EPHB1: variants seen among roughly 807,000 people sequenced by gnomAD.
EPHB1 encodes EPH receptor B1.
Under a neutral mutation model 94.4 loss-of-function variants are expected in EPHB1, and 30 were observed. The observed-to-expected ratio is 0.32, with a 90% CI of 0.24 to 0.43. The LOEUF is 0.43. Ranked by LOEUF, EPHB1 falls within the 20% of genes least tolerant of loss-of-function variation. EPHB1 has a pLI of 1.00. For synonymous variants in EPHB1, 522 were observed against 489.1 expected (o/e 1.07, Z -0.89); for missense variants, 1,055 against 1,308.3 (o/e 0.81, Z 2.99).
intron 3 of EPHB1, among the ~76,000 whole-genome samples, chr3:135,092,327 G>A (rs1200120780): frequency 6.6e-6 from 1 of 152,110 alleles, no homozygotes; most frequent in East Asian, 1.9e-4. Flanking sequence ...CTTCTGTTGG[G>A]TGCCAGGGGC....
At chr3:134,861,591 T>G (rs1302144470) in intron 1 of EPHB1, among the ~76,000 whole-genome samples, 1 of 151,652 alleles carries the variant, frequency 6.6e-6, no homozygotes, top group Non-Finnish European at 1.5e-5. Context: ...TGTGAAAGAG[T>G]TACGGAAGGG....
At chr3:135,088,962 T>C (rs1938463762) in intron 3 of EPHB1, among the ~76,000 whole-genome samples, 1 of 152,230 alleles carries the variant, frequency 6.6e-6, no homozygotes. Flanking sequence ...TTCTATCTCA[T>C]TCAATCATCA....
chr3:135,184,662 G>C lies in EPHB1; in HGVS notation c.1882+4680G>C, dbSNP rs149500927. ...TAGGTAGTGTTTGGGAGAATGAAGA[G>C]AGACTGGACAGGTGGCATGAGATCA... On this transcript the variant is annotated intron_variant, in intron 10 of 15. Transcript: ENST00000398015. Among the ~76,000 whole-genome samples the C allele has an allele frequency of 2.2e-3, 340 of 152,324 alleles. 1 individual carries two copies. The highest frequency in any genetic ancestry group is 7.9e-3 in the African/African-American group (329 of 41,584).
At chr3:134,826,848 C>A (rs2036489332) in intron 1 of EPHB1, among the ~76,000 whole-genome samples, 1 of 152,172 alleles carries the variant, frequency 6.6e-6, no homozygotes, top group South Asian at 2.1e-4. Context: ...ATTCAGCATG[C>A]CCTGGTGAGC....
intron 3 of EPHB1, among the ~76,000 whole-genome samples, chr3:135,042,388 C>G (rs191622482): frequency 6.6e-6 from 1 of 152,154 alleles, no homozygotes; most frequent in Non-Finnish European, 1.5e-5. Context: ...GAGACACATG[C>G]AAACCATAGC....
chr3:134,939,382 G>T (rs539989607), intron 2 of EPHB1, among the ~76,000 whole-genome samples: 1 of 140,972 alleles, frequency 7.1e-6, no homozygotes, highest in East Asian at 2.0e-4. Context: ...AATGGGGGGT[G>T]GGGGGGTGGC....
At chr3:134,866,562 G>T (rs1383721783) in intron 1 of EPHB1, among the ~76,000 whole-genome samples, 1 of 152,204 alleles carries the variant, frequency 6.6e-6, no homozygotes, top group Non-Finnish European at 1.5e-5. Context: ...TGGAGTGGGG[G>T]TATGGGGACA....
intron 5 of EPHB1, among the ~76,000 whole-genome samples, chr3:135,133,303 A>C (rs1940493354): frequency 6.6e-6 from 1 of 152,236 alleles, no homozygotes; most frequent in African/African-American, 2.4e-5. Context: ...TCCAAGCCAG[A>C]ATAGGACCTA....
chr3:134,978,141 C>T, intron 3 of EPHB1: 1 of 369,896 alleles, frequency 2.7e-6, no homozygotes, highest in South Asian at 2.0e-5. Flanking sequence ...CCTCAGAAGC[C>T]CTCCACTCCT....
chr3:135,017,121 T>C (rs1255589516), intron 3 of EPHB1, among the ~76,000 whole-genome samples: 1 of 152,196 alleles, frequency 6.6e-6, no homozygotes, highest in Admixed American at 6.5e-5. Context: ...GAATTAAATG[T>C]AAGTACAGGG....
intron 5 of EPHB1, among the ~76,000 whole-genome samples, chr3:135,152,309 G>T (rs1220664593): frequency 2.0e-5 from 3 of 152,332 alleles, no homozygotes; most frequent in East Asian, 3.9e-4. Flanking sequence ...ATAAAGATCG[G>T]AAGATATGTA....
At chr3:135,192,501 TC>T (rs1196661440) in intron 10 of EPHB1, 74 bp from the exon 11 acceptor site, 1 of 1,537,484 alleles carries the variant, frequency 6.5e-7, no homozygotes, top group Non-Finnish European at 8.8e-7. Context: ...ACCATTGTTC[TC>T]CATTAGATGA....
intron 1 of EPHB1, among the ~76,000 whole-genome samples, chr3:134,880,062 T>C (rs1223556411): frequency 1.2e-4 from 19 of 152,234 alleles, no homozygotes; most frequent in Non-Finnish European, 1.0e-4. Flanking sequence ...ACTTTCCTCT[T>C]CTTTCTCAGC....
Position 134,856,701 on chromosome 3 carries a change from A to G in EPHB1, c.58+61012A>G, listed in dbSNP as rs1157627701. 2.6e-5 allele frequency among the ~76,000 whole-genome samples: 4 copies of G among 152,240 alleles called. No individual in the cohort carries two copies. The East Asian group carries it at 5.8e-4, about 22-fold the overall frequency. Reference sequence around the variant, plus strand: ...CCTTGTTTCTGAAGACTTAGTATGAAAAAAACAAGAAATGTCTTGACAATT... The same window carrying G: ...CCTTGTTTCTGAAGACTTAGTATGAGAAAAACAAGAAATGTCTTGACAATT... On this transcript the variant is annotated intron_variant, in intron 1 of 15. Coordinates refer to ENST00000398015, the MANE Select transcript of EPHB1 (RefSeq NM_004441.5).
chr3:134,839,031 CA>C (rs2036729721), intron 1 of EPHB1, among the ~76,000 whole-genome samples: 1 of 152,208 alleles, frequency 6.6e-6, no homozygotes, highest in South Asian at 2.1e-4. Flanking sequence ...AATATTTGTA[CA>C]CGACTGCCTA....
intron 1 of EPHB1, among the ~76,000 whole-genome samples, chr3:134,804,544 T>C (rs2035999537): frequency 1.3e-5 from 2 of 152,128 alleles, no homozygotes; most frequent in Non-Finnish European, 2.9e-5. Context: ...TGCCTGGATC[T>C]TGGTGGGTGT....
At chr3:134,894,820 G>A (rs1358442474) in intron 1 of EPHB1, among the ~76,000 whole-genome samples, 1 of 152,258 alleles carries the variant, frequency 6.6e-6, no homozygotes, top group Admixed American at 6.5e-5. Flanking sequence ...GAAGAGCCAA[G>A]TGCTTTGTTC....
intron 3 of EPHB1, among the ~76,000 whole-genome samples, chr3:135,010,626 C>T (rs955406610): frequency 4.1e-5 from 6 of 146,242 alleles, no homozygotes; most frequent in South Asian, 2.2e-4. Flanking sequence ...TGCAATGGCA[C>T]GATCTTGGCT....
intron 3 of EPHB1, among the ~76,000 whole-genome samples, chr3:135,079,379 T>C (rs1031071720): frequency 5.3e-5 from 8 of 152,206 alleles, no homozygotes; most frequent in African/African-American, 1.9e-4. Context: ...GTTTATCCAA[T>C]TGAGGCCCAT....
Sources: gnomAD v4.1 joint callset for allele counts (sites outside exome capture counted in the v4.1 genomes callset) on GRCh38, gnomAD v4.1.1 for gene constraint, MANE v1.5 for transcripts, NCBI Gene and HGNC (gene_info 2026-07-23, HGNC 2026-07-21) for gene names.